OFD1: variants seen among roughly 807,000 people sequenced by gnomAD.
OFD1 encodes OFD1 centriole and centriolar satellite protein, also known as centriole and centriolar satellite protein OFD1.
OFD1 carries 12 observed loss-of-function variants against 81.4 expected under a neutral mutation model. The observed-to-expected ratio is 0.15, with a 90% CI of 0.09 to 0.24. The LOEUF is 0.24. OFD1 is among the 10% of genes least tolerant of loss of function. The pLI, the probability that OFD1 is intolerant of heterozygous loss-of-function variation, is 1.00. For missense variants in OFD1, 685 were observed against 733.9 expected (o/e 0.93, Z 0.77); for synonymous variants, 256 against 263.7 (o/e 0.97, Z 0.28).
chrX:13,770,018 G>A (rs1188606900), downstream of OFD1, among the ~76,000 whole-genome samples: 1 of 111,829 alleles, frequency 8.9e-6, no homozygotes, highest in Non-Finnish European at 1.9e-5. Flanking sequence ...ATGAATGGGC[G>A]TATTTCCTTT....
chrX:13,756,527 C>A, intron 12 of OFD1, 51 bp from the exon 13 acceptor site: 1 of 1,014,924 alleles, frequency 9.9e-7, no homozygotes, highest in East Asian at 3.1e-5. Flanking sequence ...TTTACTTTTG[C>A]AGTACTGTAA....
the OFD1 span, chrX:13,714,654 G>A: frequency 2.9e-5 from 11 of 375,727 alleles, no homozygotes; most frequent in African/African-American, 2.8e-4. Flanking sequence ...ATGCTGCATT[G>A]TTAATAACAT....
At chrX:13,745,077 G>C (rs2047240953) in intron 6 of OFD1, among the ~76,000 whole-genome samples, 1 of 111,889 alleles carries the variant, frequency 8.9e-6, no homozygotes, top group Admixed American at 9.5e-5. Flanking sequence ...CAGTAGAGAT[G>C]GGAAATAGCT....
upstream of OFD1, among the ~76,000 whole-genome samples, chrX:13,732,519 G>C (rs1160543758): frequency 8.9e-6 from 1 of 112,888 alleles, no homozygotes. Context: ...ACTAAATGTG[G>C]TCACCAGGAA....
rs980274661 is a variant in OFD1, at chrX:13,734,789, A to G, written c.-283A>G. 1.1e-5 allele frequency: 12 copies of G among 1,065,233 alleles called. No individual in the cohort carries two copies. Among genetic ancestry groups the G allele is most frequent in the African/African-American group, 1.9e-5 (1 of 52,711 alleles). The allele number at this position is 1,065,233 out of a possible 1,213,427, so 87.8% of individuals were successfully genotyped here. ...TCCTGCCTCGCTGCCTTCAGTCCCT[A>G]GTGTCTGGGTCCCCGCCCTCCAGCC... On this transcript the variant is annotated 5_prime_UTR_variant, in exon 1 of 23. Coordinates refer to ENST00000340096, the MANE Select transcript of OFD1 (RefSeq NM_003611.3).
chrX:13,749,582 A>G, intron 9 of OFD1, 49 bp downstream of exon 9: 2 of 768,509 alleles, frequency 2.6e-6, no homozygotes, highest in Non-Finnish European at 2.0e-6. Flanking sequence ...GAGATTAAAA[A>G]GAATTACTAA....
rs377491175 is a variant in OFD1, at chrX:13,746,292, C to T, written c.518-27C>T. ...ACGCACCTGACGATGTTTCTATGTCCTAATTTGATGTGTTATTTTTTAATA... is the reference window on the plus strand; with the variant it reads ...ACGCACCTGACGATGTTTCTATGTCTTAATTTGATGTGTTATTTTTTAATA... On this transcript the variant is annotated intron_variant, in intron 6 of 22. Transcript: ENST00000340096. 14 of 1,197,603 alleles carry T rather than the reference C, an allele frequency of 1.2e-5. No homozygotes were observed. In the African/African-American group the frequency reaches 2.1e-4, roughly 18 times the overall value.
intron 5 of OFD1, chrX:13,739,999 C>T: frequency 2.2e-6 from 2 of 913,289 alleles, no homozygotes. Context: ...GTTGCCTGCA[C>T]TATCATCCCC....
At chrX:13,751,189 C>T in intron 9 of OFD1, 60 bp from the exon 10 acceptor site, 2 of 1,127,113 alleles carry the variant, frequency 1.8e-6, no homozygotes, top group East Asian at 3.0e-5. Flanking sequence ...TGATTTTTTC[C>T]TAAATTTGTT....
chrX:13,740,156 A>G, intron 5 of OFD1: 1 of 970,563 alleles, frequency 1.0e-6, no homozygotes, highest in Non-Finnish European at 1.3e-6. Flanking sequence ...AATAAATTGG[A>G]GCACAAGATA....
At position 13,760,172 on chromosome X, in the gene OFD1, A is replaced by C; in HGVS notation, c.1712A>C (p.Asn571Thr). Reference protein sequence around the residue: ...PKQSVIDRSVNGLINGNVVPC... With the variant: ...PKQSVIDRSVTGLINGNVVPC... ...CAGTCTGTGATCGATCGTTCTGTCAATGGATTAATAAATGGCAATGTGGTG... is the reference window on the plus strand; with the variant it reads ...CAGTCTGTGATCGATCGTTCTGTCACTGGATTAATAAATGGCAATGTGGTG... The change falls in exon 16 of 23, where the codon AAT (asparagine) becomes ACT (threonine). Residue 571 changes from asparagine (N) to threonine (T), a missense_variant. By Grantham distance (65) the Asn-to-Thr change is moderately conservative. Around this residue, in one of 3 missense-constraint regions of OFD1, gnomAD observed 414 missense variants for 447.2 expected, o/e 0.93. Coordinates refer to ENST00000340096, the MANE Select transcript of OFD1 (RefSeq NM_003611.3). The C allele has an allele frequency of 8.3e-7, 1 of 1,211,678 alleles. No homozygotes were observed. The highest frequency in any genetic ancestry group is 2.2e-5 in the Admixed American group (1 of 46,068).
At chrX:13,724,181 T>C in the OFD1 span, among the ~76,000 whole-genome samples, 2 of 110,868 alleles carry the variant, frequency 1.8e-5, no homozygotes, top group Non-Finnish European at 3.8e-5. Context: ...CTGTCTTCAG[T>C]GGCTAGGGAA....
the OFD1 span, among the ~76,000 whole-genome samples, chrX:13,723,403 A>G: frequency 9.1e-6 from 1 of 110,182 alleles, no homozygotes; most frequent in Non-Finnish European, 1.9e-5. Context: ...CCTGGCCTCA[A>G]GTGATCTGCC....
At chrX:13,725,232 C>A in the OFD1 span, among the ~76,000 whole-genome samples, 2 of 113,141 alleles carry the variant, frequency 1.8e-5, no homozygotes, top group African/African-American at 6.4e-5. Flanking sequence ...TCTGACAGCT[C>A]TGAAGAGAGC....
chrX:13,722,208 C>CCAAAAAAA, the OFD1 span: 2 of 36,118 alleles, frequency 5.5e-5, no homozygotes, highest in African/African-American at 2.4e-4. Context: ...TAAGCAGCAG[C>CCAAAAAAA]AAAAAAAAAA....
At chrX:13,742,584 C>T (rs1453916197) in intron 5 of OFD1, among the ~76,000 whole-genome samples, 2 of 112,028 alleles carry the variant, frequency 1.8e-5, no homozygotes, top group East Asian at 2.8e-4. Context: ...AGTGCAGTGG[C>T]GTGACCTCGG....
the OFD1 span, among the ~76,000 whole-genome samples, chrX:13,715,077 G>C: frequency 8.9e-6 from 1 of 112,606 alleles, no homozygotes; most frequent in Non-Finnish European, 1.9e-5. Flanking sequence ...TTATAAGAGG[G>C]CTAAATATTA....
upstream of OFD1, chrX:13,734,091 T>C (rs1175381015): frequency 1.9e-6 from 1 of 514,484 alleles, no homozygotes; most frequent in Non-Finnish European, 3.5e-6. Flanking sequence ...CGTTTAGCTC[T>C]GTGGATCTCA....
intron 5 of OFD1, chrX:13,740,012 A>G (rs1355971070): frequency 6.5e-6 from 6 of 923,533 alleles, no homozygotes; most frequent in Non-Finnish European, 6.8e-6. Flanking sequence ...TCATCCCCAC[A>G]AGGACATTCA....
Sources: allele counts gnomAD v4.1 joint callset (sites outside exome capture counted in the v4.1 genomes callset), GRCh38; gene constraint gnomAD v4.1.1; regional missense constraint gnomAD v4.1.1; transcripts MANE v1.5; gene names NCBI Gene and HGNC (gene_info 2026-07-23, HGNC 2026-07-21).